BRWD1: variants seen among roughly 807,000 people sequenced by gnomAD.
BRWD1 encodes bromodomain and WD repeat-containing protein 1.
BRWD1 carries 82 observed loss-of-function variants against 251.2 expected under a neutral mutation model. That is an observed-to-expected ratio of 0.33 (90% CI 0.27 to 0.39). BRWD1 has a LOEUF of 0.39. Ranked by LOEUF, BRWD1 falls within the 10% of genes least tolerant of loss-of-function variation. BRWD1 has a pLI of 1.00. For synonymous variants in BRWD1, 918 were observed against 902.8 expected (o/e 1.02, Z -0.30); for missense variants, 2,233 against 2,711.6 (o/e 0.82, Z 3.92).
At chr21:39,293,492 C>CAAA (rs1036672544) in intron 8 of BRWD1, among the ~76,000 whole-genome samples, 7 of 104,026 alleles carry the variant, frequency 6.7e-5, no homozygotes, top group African/African-American at 2.5e-4. Context: ...GACTCAGTCT[C>CAAA]AAAAAAAAAA....
At chr21:39,309,693 C>T (rs1253528683) in intron 4 of BRWD1, among the ~76,000 whole-genome samples, 1 of 151,894 alleles carries the variant, frequency 6.6e-6, no homozygotes, top group African/African-American at 2.4e-5. Flanking sequence ...GGCGTGGTGG[C>T]GGACGCCTGT....
intron 21 of BRWD1, 34 bp downstream of exon 21, chr21:39,247,667 A>G: frequency 1.3e-6 from 2 of 1,569,590 alleles, no homozygotes; most frequent in East Asian, 2.3e-5. Context: ...TTCATTTAAG[A>G]TTATCTTATA....
rs1218308713 is a variant in BRWD1 at position 39,200,267 on chromosome 21, T to C, written c.4705A>G (p.Ser1569Gly). 2.5e-6 allele frequency: 4 copies of C among 1,613,976 alleles called. No individual in the cohort carries two copies. Among genetic ancestry groups the C allele is most frequent in the Non-Finnish European group, 3.4e-6 (4 of 1,179,982 alleles). The change falls in exon 39 of 41, where the codon AGC becomes GGC. Residue 1569 changes from serine (S) to glycine (G), a missense_variant. Coordinates refer to ENST00000342449, the MANE Select transcript of BRWD1 (RefSeq NM_033656.4). ...ESSSRSGLSR[S>G]SNLRVTRTRA... ...GTTCTGGTTACCCTGAGATTGCTGC[T>C]TCTGGATAGCCCACTGCGTGAGGAG...
intron 23 of BRWD1, among the ~76,000 whole-genome samples, chr21:39,234,412 T>A (rs924544472): frequency 2.0e-5 from 3 of 152,182 alleles, no homozygotes; most frequent in African/African-American, 7.2e-5. Flanking sequence ...ACAATTACAT[T>A]AAAGCAACAT....
intron 4 of BRWD1, chr21:39,312,634 G>A (rs574880069): frequency 2.1e-5 from 8 of 389,396 alleles, no homozygotes; most frequent in East Asian, 1.4e-4. Flanking sequence ...GCCCCGCGCC[G>A]CCCCCAATGA....
chr21:39,282,061 C>T (rs542800963), intron 8 of BRWD1, among the ~76,000 whole-genome samples: 8 of 151,380 alleles, frequency 5.3e-5, no homozygotes, highest in African/African-American at 1.9e-4. Context: ...TATATATACA[C>T]GTATACGTAT....
chr21:39,287,807 A>G (rs146762122), intron 8 of BRWD1, among the ~76,000 whole-genome samples: 257 of 152,292 alleles, frequency 1.7e-3, no homozygotes, highest in African/African-American at 5.9e-3. Context: ...TTCTTGAGAA[A>G]TACACTTGTG....
chr21:39,256,482 C>T (rs1340341614), intron 18 of BRWD1, among the ~76,000 whole-genome samples: 1 of 152,158 alleles, frequency 6.6e-6, no homozygotes, highest in Non-Finnish European at 1.5e-5. Flanking sequence ...GCCAGTCGTG[C>T]TTAAACTAAA....
At chr21:39,204,301 G>A (rs1469374139) in intron 37 of BRWD1, among the ~76,000 whole-genome samples, 1 of 151,372 alleles carries the variant, frequency 6.6e-6, no homozygotes, top group Non-Finnish European at 1.5e-5. Context: ...GAGATGCATA[G>A]TGTAGTCCCC....
At chr21:39,235,253 A>AT (rs889014828) in intron 23 of BRWD1, 5 of 152,218 alleles carry the variant, frequency 3.3e-5, no homozygotes, top group Non-Finnish European at 5.9e-5. Context: ...CAAAAAATAA[A>AT]AAATAAATAA....
intron 29 of BRWD1, among the ~76,000 whole-genome samples, chr21:39,222,256 C>T (rs1050694338): frequency 9.9e-5 from 15 of 152,248 alleles, no homozygotes; most frequent in South Asian, 4.1e-4. Flanking sequence ...GACTATTCAC[C>T]GCCAAATAAT....
Position 39,196,103 on chromosome 21 carries a change from A to G in BRWD1, c.*156T>C. ...GCTACAAAGACCAGCAAGTGCAAATAAAAATAACAGTCATGATTTAGTCAC... is the reference window on the plus strand; with the variant it reads ...GCTACAAAGACCAGCAAGTGCAAATGAAAATAACAGTCATGATTTAGTCAC... On this transcript the variant is annotated 3_prime_UTR_variant, in exon 41 of 41. Coordinates refer to ENST00000342449, the MANE Select transcript of BRWD1 (RefSeq NM_033656.4). 7.2e-7 allele frequency: 1 copy of G among 1,393,680 alleles called. No individual in the cohort carries two copies. The highest frequency in any genetic ancestry group is 2.7e-5 in the East Asian group (1 of 36,964). 86.3% of individuals were successfully genotyped at this position (1,393,680 alleles called of 1,614,324 possible).
intron 36 of BRWD1, among the ~76,000 whole-genome samples, chr21:39,209,160 C>T (rs1009939690): frequency 2.6e-5 from 4 of 152,016 alleles, no homozygotes; most frequent in African/African-American, 4.8e-5. Context: ...CTAACTTCCC[C>T]CAAATTTGCA....
intron 37 of BRWD1, among the ~76,000 whole-genome samples, chr21:39,203,434 GGTTCTTTTTTTTTT>G (rs2032213441): frequency 1.6e-5 from 1 of 64,296 alleles, no homozygotes; most frequent in African/African-American, 4.8e-5. Context: ...GCAAGACCCT[GGTTCTTTTTTTTTT>G]TTTTTTTTTT....
rs1032074532 is a variant in BRWD1 at position 39,258,527 on chromosome 21, A to C, written c.2031T>G (p.Ile677Met). ...CTTCACCATTTGAAAGTCCTCTTGG[A>C]ATAGTATCCTGATCTGCTCCCATTC... The part of the protein sequence containing the change: ...DQRMGADQDT[I>M]PRGLSNGEET... Residue 677 changes from isoleucine to methionine, a missense_variant, in exon 18 of 41, where the codon ATT (isoleucine) becomes ATG (methionine). Coordinates refer to ENST00000342449, the MANE Select transcript of BRWD1 (RefSeq NM_033656.4). The C allele has an allele frequency of 6.2e-7, 1 of 1,609,330 alleles. No homozygotes were observed. The highest frequency in any genetic ancestry group is 8.5e-7 in the Non-Finnish European group (1 of 1,177,824).
In BRWD1 at chr21:39,197,430, G is replaced by A. The variant is rs1410274455; in HGVS notation, c.5654-15C>T. ...TGATGCAGAATCTAAAAGTTAAAGA[G>A]CAGATTTCTATTAATCTTTTGTAAG... On this transcript the variant is annotated splice_polypyrimidine_tract_variant and intron_variant, in intron 40 of 40. Transcript: ENST00000342449. 1 of 1,526,640 alleles carries A rather than the reference G, an allele frequency of 6.6e-7. No homozygotes were observed. Among genetic ancestry groups the A allele is most frequent in the East Asian group, 2.3e-5 (1 of 44,134 alleles). The allele number at this position is 1,526,640 out of a possible 1,614,324, so 94.6% of individuals were successfully genotyped here.
intron 20 of BRWD1, among the ~76,000 whole-genome samples, chr21:39,249,497 C>G (rs2034318430): frequency 6.6e-6 from 1 of 152,024 alleles, no homozygotes; most frequent in East Asian, 1.9e-4. Flanking sequence ...TCAAAATCAG[C>G]CAAATAAAGT....
chr21:39,289,686 A>C (rs963031558), intron 8 of BRWD1, among the ~76,000 whole-genome samples: 2 of 150,720 alleles, frequency 1.3e-5, no homozygotes, highest in Non-Finnish European at 2.9e-5. Flanking sequence ...AGCAATTTAA[A>C]AATATTACTT....
chr21:39,309,880 A>C (rs2146805067), intron 4 of BRWD1, among the ~76,000 whole-genome samples: 1 of 151,760 alleles, frequency 6.6e-6, no homozygotes. Context: ...CTGGATATGG[A>C]CTCTGTGATA....
Sources: allele counts gnomAD v4.1 joint callset (sites outside exome capture counted in the v4.1 genomes callset), GRCh38; gene constraint gnomAD v4.1.1; transcripts MANE v1.5; gene names NCBI Gene and HGNC (gene_info 2026-07-23, HGNC 2026-07-21).